The following TGM4 variants were observed in gnomAD, a reference collection of about 807,000 sequenced individuals.
TGM4 encodes the protein transglutaminase 4.
Under a neutral mutation model 76.3 loss-of-function variants are expected in TGM4, and 61 were observed. The ratio of observed to expected loss-of-function variants is 0.80; its 90% CI spans 0.65 to 0.99. The LOEUF (loss-of-function observed/expected upper bound fraction) is 0.99, where lower values mean the gene tolerates loss of function less well. Among genes scored for constraint, TGM4 ranks in the 50% least tolerant of loss-of-function variants. The pLI, the probability that TGM4 is intolerant of heterozygous loss-of-function variation, is 0.00. For missense variants in TGM4, 794 were observed against 843.2 expected, an observed-to-expected ratio of 0.94 and a Z score of 0.72; for synonymous variants, 337 against 329.8, an observed-to-expected ratio of 1.02 and a Z score of -0.24.
At chr3:44,890,765 C>G (rs1699682009) in intron 4 of TGM4, 33 bp downstream of exon 4, 4 of 1,610,874 alleles carry the variant, frequency 2.5e-6, no homozygotes, top group Admixed American at 1.7e-5. Flanking sequence ...TGGGGAATGG[C>G]AGGTGACCCC....
At chr3:44,878,445 T>TTA (rs1407377883) in intron 1 of TGM4, among the ~76,000 whole-genome samples, 18 of 30,232 alleles carry the variant, frequency 6.0e-4, no homozygotes, top group Non-Finnish European at 1.0e-3. Flanking sequence ...TTTATTACTT[T>TTA]TGTTTTATTA....
chr3:44,912,002 TG>T (rs1210955662), intron 13 of TGM4, among the ~76,000 whole-genome samples: 1 of 152,170 alleles, frequency 6.6e-6, no homozygotes, highest in Non-Finnish European at 1.5e-5. Context: ...GGCTAATTTT[TG>T]TATTTTTAGT....
At chr3:44,887,606 G>A in intron 2 of TGM4, 83 bp from the exon 3 acceptor site, 2 of 1,262,930 alleles carry the variant, frequency 1.6e-6, no homozygotes, top group Non-Finnish European at 2.2e-6. Context: ...TCCATGAGTG[G>A]GCAGTAGGTG....
chr3:44,904,975 C>T (rs745465205), intron 9 of TGM4, among the ~76,000 whole-genome samples: 3 of 151,390 alleles, frequency 2.0e-5, no homozygotes, highest in Non-Finnish European at 4.4e-5. Context: ...AGCCACTGTG[C>T]CTGGCCTTTA....
intron 5 of TGM4, among the ~76,000 whole-genome samples, chr3:44,894,933 C>T (rs1055446912): frequency 6.6e-6 from 1 of 152,066 alleles, no homozygotes; most frequent in Non-Finnish European, 1.5e-5. Context: ...AAGGAGACAG[C>T]CAAACGAACC....
chr3:44,877,619 C>A (rs1478219593), intron 1 of TGM4, among the ~76,000 whole-genome samples: 1 of 151,378 alleles, frequency 6.6e-6, no homozygotes, highest in Non-Finnish European at 1.5e-5. Context: ...TATATAAAAG[C>A]AAAACAGCAA....
At chr3:44,881,937 C>T (rs1312199822) in intron 1 of TGM4, among the ~76,000 whole-genome samples, 1 of 152,032 alleles carries the variant, frequency 6.6e-6, no homozygotes, top group East Asian at 1.9e-4. Context: ...ATTCCACTGA[C>T]ACTTTTTCTT....
At chr3:44,880,428 A>AT (rs1309056179) in intron 1 of TGM4, among the ~76,000 whole-genome samples, 2 of 152,224 alleles carry the variant, frequency 1.3e-5, no homozygotes, top group African/African-American at 4.8e-5. Flanking sequence ...GAAATTTTTC[A>AT]TAACCGGTAT....
At chr3:44,892,456 T>C (rs1245214766) in intron 4 of TGM4, among the ~76,000 whole-genome samples, 1 of 150,334 alleles carries the variant, frequency 6.7e-6, no homozygotes, top group Non-Finnish European at 1.5e-5. Context: ...CTGCAGCCTC[T>C]GCCTCCTGGG....
chr3:44,877,041 A>G (rs1220507934), intron 1 of TGM4, among the ~76,000 whole-genome samples: 1 of 152,236 alleles, frequency 6.6e-6, no homozygotes, highest in African/African-American at 2.4e-5. Context: ...ATGGTGGTTC[A>G]TGCCTATAAT....
intron 4 of TGM4, among the ~76,000 whole-genome samples, chr3:44,891,286 A>G (rs1353360920): frequency 6.6e-6 from 1 of 151,924 alleles, no homozygotes; most frequent in Admixed American, 6.6e-5. Flanking sequence ...AACCCTTTCC[A>G]CACCTGCCCT....
At chr3:44,910,631 C>A (rs1167975750) in intron 11 of TGM4, among the ~76,000 whole-genome samples, 1 of 152,162 alleles carries the variant, frequency 6.6e-6, no homozygotes, top group Non-Finnish European at 1.5e-5. Flanking sequence ...CATGAGAAGT[C>A]TTCTATGGTG....
intron 8 of TGM4, among the ~76,000 whole-genome samples, chr3:44,902,973 G>A (rs928569322): frequency 4.6e-5 from 7 of 152,222 alleles, no homozygotes; most frequent in Non-Finnish European, 1.0e-4. Flanking sequence ...ATACTGCTGA[G>A]ACGTTCTAGT....
chr3:44,883,931 A>G (rs1336116331), intron 1 of TGM4, among the ~76,000 whole-genome samples: 1 of 152,092 alleles, frequency 6.6e-6, no homozygotes, highest in Non-Finnish European at 1.5e-5. Flanking sequence ...AGCCCTCAGG[A>G]GCAGAGGAAG....
Position 44,901,658 on chromosome 3 carries a change from C to T in TGM4, c.792C>T (p.Cys264=), listed in dbSNP as rs750841542. 30 of 1,614,094 alleles carry T rather than the reference C, an allele frequency of 1.9e-5. No homozygotes were observed. The highest frequency in any genetic ancestry group is 3.3e-5 in the Admixed American group (2 of 60,010). Residue 264 remains cysteine, a synonymous_variant, in exon 7 of 14, where the codon TGC becomes TGT. Coordinates refer to ENST00000296125, the MANE Select transcript of TGM4 (RefSeq NM_003241.4). ...ACTACAACACGAAGCAGGCTGTGTG[C>T]TTTGGCCAGTGCTGGGTGTTTGCTG... ...QQYYNTKQAV[C]FGQCWVFAGI...
intron 4 of TGM4, among the ~76,000 whole-genome samples, chr3:44,891,924 G>A (rs1195442515): frequency 3.4e-5 from 5 of 147,910 alleles, no homozygotes; most frequent in Admixed American, 2.1e-4. Flanking sequence ...GCAGTGAGCC[G>A]AGATTGCACC....
At position 44,901,511 on chromosome 3, in the gene TGM4, A is replaced by T; in HGVS notation, c.658-13A>T. On this transcript the variant is annotated splice_polypyrimidine_tract_variant and intron_variant, in intron 6 of 13. Transcript: ENST00000296125. ...AGGGGCGGACACTGACCCCACCCCT[A>T]CGTGTGTGGCAGATGAGCTTTGAGA... is the stretch of plus-strand genomic sequence containing the variant. The T allele has an allele frequency of 6.3e-7, 1 of 1,597,030 alleles. No homozygotes were observed. Among genetic ancestry groups the T allele is most frequent in the African/African-American group, 1.3e-5 (1 of 74,770 alleles).
At chr3:44,885,778 G>A (rs1464631256) in intron 2 of TGM4, among the ~76,000 whole-genome samples, 2 of 152,188 alleles carry the variant, frequency 1.3e-5, no homozygotes, top group Non-Finnish European at 2.9e-5. Flanking sequence ...TGCCGTGGTG[G>A]GGTCTGGAAC....
rs1368223961 is a variant in TGM4 at position 44,890,721 on chromosome 3, C to T, written c.419C>T (p.Pro140Leu). The T allele has an allele frequency of 6.2e-6, 10 of 1,614,036 alleles. No homozygotes were observed. The highest frequency in any genetic ancestry group is 8.5e-6 in the Non-Finnish European group (10 of 1,179,934). The change falls in exon 4 of 14, where the codon CCA (proline) becomes CTA (leucine). Residue 140 changes from proline (P) to leucine (L), a missense_variant. Coordinates refer to ENST00000296125, the MANE Select transcript of TGM4 (RefSeq NM_003241.4). The stretch of plus-strand genomic sequence containing the variant: ...AACATCCTATACCTTCTCTTCAACC[C>T]ATGGTGTAAAGGTACTGTGAATCTC... ...EENILYLLFN[P>L]WCKEDMVFMP...
Sources: allele counts gnomAD v4.1 joint callset (sites outside exome capture counted in the v4.1 genomes callset), GRCh38; gene constraint gnomAD v4.1.1; transcripts MANE v1.5; gene names NCBI Gene and HGNC (gene_info 2026-07-23, HGNC 2026-07-21).